Variants in CA12 observed in about 807,000 individuals in gnomAD.
The protein encoded by CA12 is carbonic anhydrase 12, also known as carbonate dehydratase XII.
Under a neutral mutation model 46.8 loss-of-function variants are expected in CA12, and 36 were observed. The ratio of observed to expected loss-of-function variants is 0.77; its 90% CI spans 0.59 to 1.02. The LOEUF (loss-of-function observed/expected upper bound fraction) is 1.02. CA12 is among the 50% of genes least tolerant of loss of function. CA12 has a pLI of 0.00. For missense variants in CA12, 436 were observed against 451.4 expected (o/e 0.97, Z 0.31); for synonymous variants, 202 against 187.0 (o/e 1.08, Z -0.65).
intron 2 of CA12, among the ~76,000 whole-genome samples, chr15:63,363,457 C>A (rs1451961532): frequency 1.3e-5 from 2 of 152,244 alleles, no homozygotes; most frequent in African/African-American, 4.8e-5. Context: ...TCTGCCTATG[C>A]AGCTGCTGTG....
chr15:63,340,066 TAAAAAAGA>T lies in CA12; in HGVS notation c.747+214_747+221del. On this transcript the variant is annotated intron_variant, in intron 7 of 10. Coordinates refer to ENST00000178638, the MANE Select transcript of CA12 (RefSeq NM_001218.5). This position sits in a 1 kb window ranked among gnomAD's most constrained non-coding sequence, Gnocchi z 4.4. The stretch of plus-strand genomic sequence containing the variant: ...AATGCAGATTTAGAGCTCTTTTTTT[TAAAAAAGA>T]ACTAGGAGACATCTATTCATTTGCC... 1.7e-6 allele frequency: 1 copy of T among 587,776 alleles called. No individual in the cohort carries two copies. The highest frequency in any genetic ancestry group is 1.9e-5 in the African/African-American group (1 of 53,610). The allele number at this position is 587,776 out of a possible 1,614,324, so 36.4% of individuals were successfully genotyped here. A position where few individuals can be genotyped will look rare whatever the true frequency, so the allele number is the denominator to read the frequency against.
rs2038789948 is a variant in CA12, at chr15:63,321,485, G to A, written c.*4800C>T. On this transcript the variant is annotated 3_prime_UTR_variant, in exon 11 of 11. Coordinates refer to ENST00000178638, the MANE Select transcript of CA12 (RefSeq NM_001218.5). The surrounding 1 kb of genome is among the most constrained non-coding windows in gnomAD (Gnocchi z 4.5). ...GAAGAGGCACGGGGTGGAGCCCGGGGACACCCTCGGTGGCATTGTCGGGCC... is the reference window on the plus strand; with the variant it reads ...GAAGAGGCACGGGGTGGAGCCCGGGAACACCCTCGGTGGCATTGTCGGGCC... The A allele has an allele frequency of 6.6e-6, 1 of 152,282 alleles. No homozygotes were observed. The highest frequency in any genetic ancestry group is 1.5e-5 in the Non-Finnish European group (1 of 68,074). The allele number at this position is 152,282 out of a possible 1,614,324, so 9.4% of individuals were successfully genotyped here. A position where few individuals can be genotyped will look rare whatever the true frequency, so the allele number is the denominator to read the frequency against.
chr15:63,326,154 C>G lies in CA12; in HGVS notation c.*131G>C. The G allele has an allele frequency of 1.3e-6, 1 of 754,310 alleles. No individual in the cohort carries two copies. Among genetic ancestry groups the G allele is most frequent in the Admixed American group, 2.0e-5 (1 of 51,084 alleles). 46.7% of individuals were successfully genotyped at this position (754,310 alleles called of 1,614,324 possible). On this transcript the variant is annotated 3_prime_UTR_variant, in exon 11 of 11. Transcript: ENST00000178638. ...GGCAAGGAGGCACCCAGCAGAGGAT[C>G]CCTGAGGCCTGGCATGTTTGCAGAT...
At chr15:63,342,276 G>T (rs114933218) in intron 4 of CA12, among the ~76,000 whole-genome samples, 179 bp from the exon 5 acceptor site, 1 of 152,120 alleles carries the variant, frequency 6.6e-6, no homozygotes, top group Non-Finnish European at 1.5e-5. Context: ...TGTGCCCAAG[G>T]TGGTCAGGGC....
Position 63,326,334 on chromosome 15 carries a change from C to T in CA12, c.1016G>A (p.Gly339Glu), listed in dbSNP as rs149256486. ...CTTGGTGGCTGGCTTGTAAATGACT[C>T]CCTTGTTATCACCTTTTTTGATACT... ...RKSIKKGDNK[G>E]VIYKPATKME... The change falls in exon 11 of 11, where the codon GGA (glycine) becomes GAA (glutamate). Residue 339 changes from glycine to glutamate, a missense_variant. Gly to Glu is a moderately conservative substitution (Grantham distance 98, BLOSUM62 -2). Transcript: ENST00000178638. 61 of 1,613,766 alleles carry T rather than the reference C, an allele frequency of 3.8e-5. No homozygotes were observed. Among genetic ancestry groups the T allele is most frequent in the Non-Finnish European group, 2.4e-5 (28 of 1,179,846 alleles).
At chr15:63,376,602 C>CTTTCTTTCTTTCTTTCTTTCTT (rs1391310984) in intron 1 of CA12, among the ~76,000 whole-genome samples, 16 of 142,016 alleles carry the variant, frequency 1.1e-4, no homozygotes, top group African/African-American at 1.6e-4. Flanking sequence ...TTCTTTCTTT[C>CTTTCTTTCTTTCTTTCTTTCTT]TCTCTCTCTC....
chr15:63,375,476 G>GT, intron 2 of CA12, 182 bp downstream of exon 2: 1 of 563,808 alleles, frequency 1.8e-6, no homozygotes, highest in Non-Finnish European at 3.2e-6. Context: ...AGAAAGTGCA[G>GT]TATGCAACCC....
intron 2 of CA12, among the ~76,000 whole-genome samples, chr15:63,367,385 A>G (rs2039449683): frequency 1.3e-5 from 2 of 152,200 alleles, no homozygotes; most frequent in African/African-American, 2.4e-5. Context: ...TGAGAGTTCC[A>G]TCTTTTCTCC....
intron 2 of CA12, among the ~76,000 whole-genome samples, chr15:63,359,830 G>T (rs1003363354): frequency 2.6e-5 from 4 of 152,146 alleles, no homozygotes; most frequent in African/African-American, 9.7e-5. Flanking sequence ...CCCCACAGCT[G>T]TACCCCTCAT....
At chr15:63,349,316 C>T (rs1316584611) in intron 2 of CA12, among the ~76,000 whole-genome samples, 2 of 152,188 alleles carry the variant, frequency 1.3e-5, no homozygotes, top group African/African-American at 4.8e-5. Context: ...CATGTCAAGG[C>T]AGCTACTGGG....
At chr15:63,346,422 C>CA in intron 3 of CA12, 108 bp downstream of exon 3, 1 of 851,038 alleles carries the variant, frequency 1.2e-6, no homozygotes, top group Non-Finnish European at 1.9e-6. Flanking sequence ...CCCACCCCTC[C>CA]TCCTGGATGC....
intron 2 of CA12, among the ~76,000 whole-genome samples, chr15:63,361,452 G>C (rs2039362375): frequency 6.6e-6 from 1 of 152,166 alleles, no homozygotes; most frequent in Non-Finnish European, 1.5e-5. Flanking sequence ...GACATTTTCA[G>C]CTGTCACAAC....
chr15:63,381,548 A>C (rs2039645158), intron 1 of CA12, 88 bp downstream of exon 1: 7 of 1,069,000 alleles, frequency 6.5e-6, no homozygotes, highest in Non-Finnish European at 8.5e-6. Flanking sequence ...CCCCGCAGCA[A>C]TGATTTTACT....
chr15:63,364,332 G>GAAAACAAAAAAA (rs2039408408), intron 2 of CA12, among the ~76,000 whole-genome samples: 1 of 56,138 alleles, frequency 1.8e-5, no homozygotes, highest in Admixed American at 3.4e-4. Context: ...CCCGTCACTA[G>GAAAACAAAAAAA]AAAAAAAAAA....
chr15:63,329,136 C>T lies in CA12; in HGVS notation c.875-1006G>A, dbSNP rs889553617. On this transcript the variant is annotated intron_variant, in intron 8 of 10. Transcript: ENST00000178638. The surrounding 1 kb of genome is among the most constrained non-coding windows in gnomAD (Gnocchi z 4.8). Reference sequence around the variant, plus strand: ...CCTAAGCAAGGAATCCATCACCAGACTTCTCCCCCAGCCCATCAGCTTGTC... The same window carrying T: ...CCTAAGCAAGGAATCCATCACCAGATTTCTCCCCCAGCCCATCAGCTTGTC... Among the ~76,000 whole-genome samples, 3 of 152,368 alleles carry T rather than the reference C, an allele frequency of 2.0e-5. No individual in the cohort carries two copies. In the East Asian group the frequency reaches 5.8e-4, roughly 29 times the overall value.
rs2039140500 is a variant in CA12, at chr15:63,345,853, C to T, written c.287-234G>A. 1.3e-5 allele frequency among the ~76,000 whole-genome samples: 2 copies of T among 152,228 alleles called. No individual in the cohort carries two copies. The highest frequency in any genetic ancestry group is 2.9e-5 in the Non-Finnish European group (2 of 68,038). On this transcript the variant is annotated intron_variant, in intron 3 of 10. Transcript: ENST00000178638. This position sits in a 1 kb window ranked among gnomAD's most constrained non-coding sequence, Gnocchi z 4.3. Reference sequence around the variant, plus strand: ...GCAACTCCAGTGGCACCAGCACCTTCTTGGTTCACCTTGGAAAGTGATGCC... The same window carrying T: ...GCAACTCCAGTGGCACCAGCACCTTTTTGGTTCACCTTGGAAAGTGATGCC...
chr15:63,335,921 A>G (rs34683907), intron 8 of CA12, among the ~76,000 whole-genome samples: 6,826 of 152,284 alleles, frequency 0.045, 197 homozygotes, highest in Middle Eastern at 0.065. Context: ...CCCCTTTGGG[A>G]CTGCCTCCTC....
At chr15:63,333,685 G>T (rs1037827689) in intron 8 of CA12, among the ~76,000 whole-genome samples, 5 of 152,198 alleles carry the variant, frequency 3.3e-5, no homozygotes, top group African/African-American at 1.2e-4. Context: ...TCTTAGCCAT[G>T]TCTGATTTCC....
intron 2 of CA12, among the ~76,000 whole-genome samples, chr15:63,347,509 T>C (rs1177277610): frequency 6.6e-6 from 1 of 152,164 alleles, no homozygotes; most frequent in Non-Finnish European, 1.5e-5. Flanking sequence ...TACAATATAA[T>C]TGACACACTA....
Sources: allele counts gnomAD v4.1 joint callset (sites outside exome capture counted in the v4.1 genomes callset), GRCh38; gene constraint gnomAD v4.1.1; non-coding constraint Gnocchi (gnomAD v3.1); transcripts MANE v1.5; gene names NCBI Gene and HGNC (gene_info 2026-07-23, HGNC 2026-07-21).